ATP10D: variants seen among roughly 807,000 people sequenced by gnomAD.
ATP10D encodes the protein ATPase phospholipid transporting 10D (putative).
In ATP10D, 89 loss-of-function variants were observed where a neutral mutation model predicts 144.8. That is an observed-to-expected ratio of 0.61 (90% CI 0.52 to 0.73). The LOEUF is 0.73. ATP10D is among the 30% of genes least tolerant of loss of function. The pLI is 0.00. For missense variants in ATP10D, 1,603 were observed against 1,714.8 expected (o/e 0.93, Z 1.15); for synonymous variants, 571 against 615.1 (o/e 0.93, Z 1.06).
chr4:47,553,556 G>A (rs1044288929), intron 10 of ATP10D, among the ~76,000 whole-genome samples: 13 of 152,174 alleles, frequency 8.5e-5, no homozygotes, highest in African/African-American at 3.1e-4. Context: ...TGTTCTACTG[G>A]TCTCATCTTA....
intron 1 of ATP10D, among the ~76,000 whole-genome samples, chr4:47,495,530 A>G (rs747703551): frequency 3.9e-5 from 6 of 152,184 alleles, no homozygotes; most frequent in Non-Finnish European, 7.3e-5. Flanking sequence ...GTATAAAAAC[A>G]CTGAAAAAAT....
intron 17 of ATP10D, among the ~76,000 whole-genome samples, 158 bp downstream of exon 17, chr4:47,572,388 T>C (rs1222419122): frequency 1.3e-5 from 2 of 150,228 alleles, no homozygotes; most frequent in East Asian, 4.0e-4. Context: ...GATTTTTTTT[T>C]ACTAGGTGAG....
intron 5 of ATP10D, among the ~76,000 whole-genome samples, chr4:47,527,143 T>C (rs1717289479): frequency 6.6e-6 from 1 of 152,124 alleles, no homozygotes; most frequent in African/African-American, 2.4e-5. Flanking sequence ...AGTCTAGAAA[T>C]AGACTGACAC....
At chr4:47,527,627 C>G (rs1388608399) in intron 5 of ATP10D, among the ~76,000 whole-genome samples, 3 of 152,044 alleles carry the variant, frequency 2.0e-5, no homozygotes, top group Admixed American at 6.6e-5. Flanking sequence ...TAAAAATGGT[C>G]AAAAGACTTT....
At chr4:47,497,977 T>C (rs4270565) in intron 1 of ATP10D, among the ~76,000 whole-genome samples, 151,133 of 152,378 alleles carry the variant, frequency 0.99, 74,958 homozygotes, top group South Asian at 1. Context: ...ACAATTCATA[T>C]GTATTCTTAT....
chr4:47,569,897 C>T (rs4694858), intron 16 of ATP10D, among the ~76,000 whole-genome samples: 67,738 of 151,762 alleles, frequency 0.45, 15,566 homozygotes, highest in East Asian at 0.7. Context: ...TGAGGGGAAC[C>T]GTGTTTGGTG....
intron 9 of ATP10D, among the ~76,000 whole-genome samples, chr4:47,541,453 C>A (rs963097156): frequency 2.0e-5 from 3 of 152,102 alleles, no homozygotes; most frequent in Non-Finnish European, 4.4e-5. Flanking sequence ...ACTGGATGTT[C>A]TTACGATGCT....
intron 1 of ATP10D, among the ~76,000 whole-genome samples, chr4:47,497,646 T>C (rs1180213050): frequency 6.6e-6 from 1 of 152,166 alleles, no homozygotes; most frequent in Non-Finnish European, 1.5e-5. Flanking sequence ...CATAATAATA[T>C]TGTATTCAAA....
chr4:47,521,388 G>C (rs1327343387), intron 3 of ATP10D, among the ~76,000 whole-genome samples: 4 of 152,142 alleles, frequency 2.6e-5, no homozygotes, highest in Admixed American at 2.6e-4. Flanking sequence ...TTTACCTGTA[G>C]TAAGTCCAAA....
chr4:47,545,737 TCTCTGAC>T (rs1718384782), intron 9 of ATP10D, among the ~76,000 whole-genome samples: 1 of 152,238 alleles, frequency 6.6e-6, no homozygotes, highest in Non-Finnish European at 1.5e-5. Flanking sequence ...CAGACAGAAT[TCTCTGAC>T]CTTTTGGAGA....
intron 1 of ATP10D, among the ~76,000 whole-genome samples, chr4:47,500,921 T>A (rs1715650307): frequency 6.6e-6 from 1 of 152,204 alleles, no homozygotes; most frequent in African/African-American, 2.4e-5. Context: ...AAATGCAGTA[T>A]GATTGCAGGC....
Position 47,525,605 on chromosome 4 carries a change from A to C in ATP10D, c.739A>C (p.Ser247Arg), listed in dbSNP as rs889975234. The change falls in exon 5 of 23, where the codon AGC becomes CGC. Residue 247 changes from serine to arginine, a missense_variant. Ser to Arg is a moderately radical substitution (Grantham distance 110). Transcript: ENST00000273859. ...EKFSSRIECE[S>R]PNNDLSRFRG... ...GTTTTCCAGTAGGATAGAATGTGAAAGCCCAAACAATGACCTCAGCAGATT... is the reference window on the plus strand; with the variant it reads ...GTTTTCCAGTAGGATAGAATGTGAACGCCCAAACAATGACCTCAGCAGATT... 1 of 1,613,548 alleles carries C rather than the reference A, an allele frequency of 6.2e-7. No individual in the cohort carries two copies. The highest frequency in any genetic ancestry group is 8.5e-7 in the Non-Finnish European group (1 of 1,179,642).
intron 3 of ATP10D, among the ~76,000 whole-genome samples, chr4:47,516,159 G>A (rs527609145): frequency 1.3e-5 from 2 of 152,042 alleles, no homozygotes; most frequent in Non-Finnish European, 2.9e-5. Flanking sequence ...GAACCCAGGA[G>A]GGGGAGGTTG....
chr4:47,563,418 T>C (rs2109454135), intron 14 of ATP10D, among the ~76,000 whole-genome samples, 163 bp from the exon 15 acceptor site: 3 of 152,198 alleles, frequency 2.0e-5, no homozygotes, highest in Admixed American at 2.0e-4. Flanking sequence ...TGCATATAAT[T>C]TTGGTCTGGG....
At chr4:47,589,347 C>T (rs2109484376) in intron 22 of ATP10D, among the ~76,000 whole-genome samples, 1 of 152,256 alleles carries the variant, frequency 6.6e-6, no homozygotes, top group Non-Finnish European at 1.5e-5. Flanking sequence ...GAAACTAATA[C>T]AGATTTGGGT....
At chr4:47,490,928 ATCT>A in intron 1 of ATP10D, 1 of 483,512 alleles carries the variant, frequency 2.1e-6, no homozygotes, top group East Asian at 4.8e-5. Flanking sequence ...TTGCAAATAC[ATCT>A]TTTTTTTTTT....
chr4:47,509,252 A>G (rs1429924210), intron 1 of ATP10D, among the ~76,000 whole-genome samples: 1 of 141,752 alleles, frequency 7.1e-6, no homozygotes, highest in Non-Finnish European at 1.6e-5. Context: ...TTATTCGTTT[A>G]CAAAAACATC....
chr4:47,499,606 A>G (rs1715574275), intron 1 of ATP10D, among the ~76,000 whole-genome samples: 1 of 152,218 alleles, frequency 6.6e-6, no homozygotes, highest in Non-Finnish European at 1.5e-5. Context: ...AGGCATCACT[A>G]TAAAGAATAC....
At chr4:47,558,342 G>C in intron 12 of ATP10D, 69 bp downstream of exon 12, 1 of 1,533,208 alleles carries the variant, frequency 6.5e-7, no homozygotes, top group Non-Finnish European at 8.8e-7. Context: ...ATACTTGATG[G>C]CTTTATAAAG....
Sources: allele counts gnomAD v4.1 joint callset (sites outside exome capture counted in the v4.1 genomes callset), GRCh38; gene constraint gnomAD v4.1.1; transcripts MANE v1.5; gene names NCBI Gene and HGNC (gene_info 2026-07-23, HGNC 2026-07-21).